Variants in PTPRD observed in about 807,000 individuals in gnomAD.
The protein encoded by PTPRD is protein tyrosine phosphatase receptor type D, also known as receptor-type tyrosine-protein phosphatase delta.
PTPRD carries 34 observed loss-of-function variants against 214.5 expected under a neutral mutation model. That is an observed-to-expected ratio of 0.16 (90% CI 0.12 to 0.21). The LOEUF (loss-of-function observed/expected upper bound fraction) is 0.21, where lower values mean the gene tolerates loss of function less well. Ranked by LOEUF, PTPRD falls within the 10% of genes least tolerant of loss-of-function variation. The pLI is 1.00. For missense variants in PTPRD, 2,545 were observed against 2,398.7 expected (o/e 1.06, Z -1.27); for synonymous variants, 1,128 against 845.7 (o/e 1.33, Z -5.79).
rs371356536 is a variant in PTPRD at position 8,690,331 on chromosome 9, T to C, written c.64+43449A>G. 1.8e-4 allele frequency among the ~76,000 whole-genome samples: 27 copies of C among 151,708 alleles called. No homozygotes were observed. In the East Asian group the frequency reaches 4.3e-3, roughly 24 times the overall value. The stretch of plus-strand genomic sequence containing the variant: ...TCACAAGGTCAGGACATGGAGACCA[T>C]CCTGGATAACGCAGTGAAAAGCTGT... On this transcript the variant is annotated intron_variant, in intron 12 of 45. Transcript: ENST00000381196.
At chr9:8,826,621 G>T (rs1001011234) in intron 11 of PTPRD, among the ~76,000 whole-genome samples, 30 of 134,818 alleles carry the variant, frequency 2.2e-4, no homozygotes, top group African/African-American at 8.2e-4. Context: ...TTCCAAGACT[G>T]CAGGCACCAT....
chr9:8,427,681 A>C (rs1370361311), intron 35 of PTPRD, among the ~76,000 whole-genome samples: 2 of 149,852 alleles, frequency 1.3e-5, no homozygotes, highest in African/African-American at 2.5e-5. Flanking sequence ...TATTGTTATG[A>C]TTATTATTAT....
intron 8 of PTPRD, among the ~76,000 whole-genome samples, chr9:9,407,193 G>A (rs901346304): frequency 2.0e-5 from 3 of 151,696 alleles, no homozygotes; most frequent in African/African-American, 7.3e-5. Context: ...CTAAAAGCAT[G>A]TCTGTTTTTG....
chr9:10,126,466 GAT>G (rs142958711), intron 3 of PTPRD, among the ~76,000 whole-genome samples: 5 of 139,364 alleles, frequency 3.6e-5, no homozygotes, highest in Admixed American at 7.1e-5. Context: ...CACACACATT[GAT>G]ATATATATAT....
intron 2 of PTPRD, among the ~76,000 whole-genome samples, chr9:10,534,980 C>A (rs970962076): frequency 6.6e-6 from 1 of 152,136 alleles, no homozygotes; most frequent in African/African-American, 2.4e-5. Context: ...GGCAGTCAGC[C>A]TTTTATCGCT....
At chr9:9,262,488 G>C (rs999764906) in intron 9 of PTPRD, among the ~76,000 whole-genome samples, 2 of 151,190 alleles carry the variant, frequency 1.3e-5, no homozygotes, top group African/African-American at 4.9e-5. Context: ...ATGCTCAATA[G>C]TCACATGTAG....
intron 3 of PTPRD, among the ~76,000 whole-genome samples, chr9:10,079,545 G>C (rs1305336400): frequency 1.3e-5 from 2 of 152,048 alleles, no homozygotes; most frequent in Non-Finnish European, 2.9e-5. Context: ...CCACATGTTT[G>C]AGTGTGGGCA....
At chr9:8,893,483 A>G (rs890285373) in intron 11 of PTPRD, among the ~76,000 whole-genome samples, 8 of 152,202 alleles carry the variant, frequency 5.3e-5, no homozygotes, top group Non-Finnish European at 1.0e-4. Flanking sequence ...GAGAAACACC[A>G]TTTCACTCTC....
At chr9:9,641,787 G>C (rs964057879) in intron 7 of PTPRD, among the ~76,000 whole-genome samples, 7 of 152,102 alleles carry the variant, frequency 4.6e-5, no homozygotes, top group African/African-American at 1.7e-4. Flanking sequence ...CAGCGGGGCT[G>C]AAGGAACTCC....
At chr9:10,136,529 C>A (rs1004685147) in intron 3 of PTPRD, among the ~76,000 whole-genome samples, 1 of 151,912 alleles carries the variant, frequency 6.6e-6, no homozygotes, top group South Asian at 2.1e-4. Flanking sequence ...TTATACCAAA[C>A]AAACTTTTCA....
chr9:9,969,267 T>C (rs1018054829), intron 4 of PTPRD, among the ~76,000 whole-genome samples: 2 of 152,066 alleles, frequency 1.3e-5, no homozygotes, highest in African/African-American at 4.8e-5. Context: ...TCAGGGATAG[T>C]CTAGTGGGAG....
intron 9 of PTPRD, among the ~76,000 whole-genome samples, chr9:9,184,898 G>A (rs1025347377): frequency 2.6e-5 from 4 of 151,980 alleles, no homozygotes; most frequent in African/African-American, 9.7e-5. Flanking sequence ...GGAACATAAG[G>A]CTTCATTTAG....
At chr9:8,331,844 G>A (rs899352587) in intron 43 of PTPRD, 108 bp from the exon 44 acceptor site, 2 of 1,340,042 alleles carry the variant, frequency 1.5e-6, no homozygotes, top group African/African-American at 3.0e-5. Context: ...AACAAAAAGG[G>A]TAGAAAAAGT....
rs555049527 is a variant in PTPRD, at chr9:8,526,863, G to A, written c.551-219C>T. ...CATTATACCACAGAGGGTAAAGACC[G>A]CAATAGGCAGCATTGCCTTTCTCAG... is the stretch of plus-strand genomic sequence containing the variant. On this transcript the variant is annotated intron_variant, in intron 16 of 45. Transcript: ENST00000381196. Among the ~76,000 whole-genome samples the A allele has an allele frequency of 1.2e-4, 19 of 152,090 alleles. No individual in the cohort carries two copies. The South Asian group carries it at 1.9e-3, about 15-fold the overall frequency.
At chr9:10,538,656 T>C (rs2058424596) in intron 2 of PTPRD, among the ~76,000 whole-genome samples, 1 of 141,666 alleles carries the variant, frequency 7.1e-6, no homozygotes, top group Admixed American at 6.8e-5. Flanking sequence ...AGTTCTCCCA[T>C]ATATAGGATG....
At chr9:8,850,718 A>T (rs2097792672) in intron 11 of PTPRD, among the ~76,000 whole-genome samples, 1 of 152,222 alleles carries the variant, frequency 6.6e-6, no homozygotes, top group African/African-American at 2.4e-5. Flanking sequence ...GAGCTATTTC[A>T]ACCAGAGAAG....
At chr9:8,932,823 C>T (rs2098962266) in intron 11 of PTPRD, among the ~76,000 whole-genome samples, 1 of 152,124 alleles carries the variant, frequency 6.6e-6, no homozygotes. Flanking sequence ...GGCGTGGAAT[C>T]TGCTGAGCTA....
intron 8 of PTPRD, among the ~76,000 whole-genome samples, chr9:9,494,930 T>C (rs1658903965): frequency 6.6e-6 from 1 of 152,136 alleles, no homozygotes; most frequent in African/African-American, 2.4e-5. Context: ...AAAGCTATAG[T>C]AATCAAAACA....
Position 8,504,301 on chromosome 9 carries a change from A to C in PTPRD, c.1782T>G (p.Gly594=). The part of the protein sequence containing the change: ...RLAARSPQGL[G]ASTAEISART... ...TAGCTGATATTTCTGCAGTAGAAGC[A>C]CCCAGGCCTTGAGGGGAGCGTGCAG... The change falls in exon 23 of 46, where the codon GGT becomes GGG. Residue 594 remains glycine, a synonymous_variant. Transcript: ENST00000381196. 1 of 1,614,188 alleles carries C rather than the reference A, an allele frequency of 6.2e-7. No individual in the cohort carries two copies. Among genetic ancestry groups the C allele is most frequent in the African/African-American group, 1.3e-5 (1 of 75,064 alleles).
Sources: allele counts gnomAD v4.1 joint callset (sites outside exome capture counted in the v4.1 genomes callset), GRCh38; gene constraint gnomAD v4.1.1; transcripts MANE v1.5; gene names NCBI Gene and HGNC (gene_info 2026-07-23, HGNC 2026-07-21).